The following TMEM117 variants were observed in gnomAD, a reference collection of about 807,000 sequenced individuals.
TMEM117 encodes the protein transmembrane protein 117.
TMEM117 carries 27 observed loss-of-function variants against 52.4 expected under a neutral mutation model. The ratio of observed to expected loss-of-function variants is 0.51; its 90% CI spans 0.38 to 0.71. The LOEUF is 0.71. Ranked by LOEUF, TMEM117 falls within the 30% of genes least tolerant of loss-of-function variation. TMEM117 has a pLI of 0.00. For missense variants in TMEM117, 556 were observed against 630.5 expected, an observed-to-expected ratio of 0.88 and a Z score of 1.26; for synonymous variants, 215 against 206.3, an observed-to-expected ratio of 1.04 and a Z score of -0.36.
intron 3 of TMEM117, among the ~76,000 whole-genome samples, chr12:44,040,449 C>G (rs1237710134): frequency 6.6e-6 from 1 of 151,972 alleles, no homozygotes; most frequent in Non-Finnish European, 1.5e-5. Context: ...ACAATTTCTT[C>G]TTGATTTATA....
At chr12:43,916,049 T>G (rs1944598143) in intron 2 of TMEM117, among the ~76,000 whole-genome samples, 2 of 152,062 alleles carry the variant, frequency 1.3e-5, no homozygotes, top group Non-Finnish European at 2.9e-5. Context: ...AAGTGGGGGA[T>G]AAATTCATAG....
intron 2 of TMEM117, among the ~76,000 whole-genome samples, chr12:43,887,904 A>T (rs1944026585): frequency 1.3e-5 from 2 of 152,206 alleles, no homozygotes; most frequent in Non-Finnish European, 1.5e-5. Flanking sequence ...TTTGTTTCAT[A>T]GTGAGGATCA....
chr12:44,027,041 T>C (rs1037132923), intron 3 of TMEM117, among the ~76,000 whole-genome samples: 1 of 151,328 alleles, frequency 6.6e-6, no homozygotes, highest in Admixed American at 6.6e-5. Context: ...AGTAGTTAGC[T>C]CATTTCTTTG....
Position 44,370,559 on chromosome 12 carries a change from A to G in TMEM117, c.769-6036A>G, listed in dbSNP as rs540933039. ...AGTCTCACTGTGTCGCCCAGGCTGG[A>G]CAGGCTGGAATGCAGTAGTGCAATC... On this transcript the variant is annotated intron_variant, in intron 6 of 7. Transcript: ENST00000266534. Among the ~76,000 whole-genome samples, 13 of 134,982 alleles carry G rather than the reference A, an allele frequency of 9.6e-5. No individual in the cohort carries two copies. The South Asian group carries it at 3.0e-3, about 31-fold the overall frequency. 88.6% of individuals were successfully genotyped at this position (134,982 alleles called of 152,430 possible).
intron 5 of TMEM117, among the ~76,000 whole-genome samples, chr12:44,284,441 G>A (rs1950614784): frequency 6.6e-6 from 1 of 152,200 alleles, no homozygotes; most frequent in South Asian, 2.1e-4. Flanking sequence ...TAGTAGCAGT[G>A]TGAAAACAGA....
chr12:44,378,421 A>G (rs1405775615), intron 7 of TMEM117, among the ~76,000 whole-genome samples: 1 of 152,326 alleles, frequency 6.6e-6, no homozygotes, highest in East Asian at 1.9e-4. Context: ...GAAGATGAAT[A>G]TAAAATTACA....
At chr12:44,345,451 T>C (rs1004419700) in intron 6 of TMEM117, among the ~76,000 whole-genome samples, 1 of 152,130 alleles carries the variant, frequency 6.6e-6, no homozygotes, top group South Asian at 2.1e-4. Context: ...CTCTCTGAGA[T>C]GAGTGCATAT....
chr12:43,883,858 C>A (rs745321418), intron 2 of TMEM117, among the ~76,000 whole-genome samples: 2 of 151,880 alleles, frequency 1.3e-5, no homozygotes, highest in African/African-American at 4.8e-5. Flanking sequence ...GGCCTGTAGC[C>A]AGGCATAGTG....
chr12:44,146,357 G>A (rs1948642097), intron 4 of TMEM117, among the ~76,000 whole-genome samples: 1 of 152,158 alleles, frequency 6.6e-6, no homozygotes, highest in South Asian at 2.1e-4. Flanking sequence ...CTACATCACA[G>A]AACTAAGACT....
At chr12:43,825,662 A>G in the TMEM117 span, among the ~76,000 whole-genome samples, 1 of 152,262 alleles carries the variant, frequency 6.6e-6, no homozygotes, top group South Asian at 2.1e-4. Context: ...AAATATAGGA[A>G]GAGCAGTAAC....
chr12:44,359,289 TTAAAA>T (rs1023918758), intron 6 of TMEM117, among the ~76,000 whole-genome samples: 5 of 151,698 alleles, frequency 3.3e-5, no homozygotes, highest in African/African-American at 9.7e-5. Context: ...GTGCACAAAA[TTAAAA>T]TAATATACAA....
intron 5 of TMEM117, chr12:44,248,372 T>C (rs957419242): frequency 6.6e-6 from 1 of 152,242 alleles, no homozygotes; most frequent in Non-Finnish European, 1.5e-5. Context: ...AAACACAGTT[T>C]ATGTTCAGTT....
chr12:43,988,579 A>T (rs1429660722), intron 3 of TMEM117, among the ~76,000 whole-genome samples: 2 of 152,106 alleles, frequency 1.3e-5, no homozygotes, highest in Non-Finnish European at 2.9e-5. Flanking sequence ...AAAGAACAGC[A>T]TGAAGTATTT....
upstream of TMEM117, among the ~76,000 whole-genome samples, chr12:43,831,463 T>A (rs78269929): frequency 3.3e-5 from 5 of 152,010 alleles, no homozygotes; most frequent in East Asian, 3.9e-4. Flanking sequence ...TTTTTTTTTT[T>A]AATAAAGACT....
At chr12:43,852,919 A>G (rs1029923271) in intron 2 of TMEM117, among the ~76,000 whole-genome samples, 2 of 152,206 alleles carry the variant, frequency 1.3e-5, no homozygotes, top group African/African-American at 2.4e-5. Context: ...GTCTCTCAAC[A>G]AGAATGATGT....
chr12:43,991,997 C>T (rs1263508758), intron 3 of TMEM117, among the ~76,000 whole-genome samples: 3 of 151,762 alleles, frequency 2.0e-5, no homozygotes, highest in African/African-American at 7.3e-5. Flanking sequence ...CCATCTCTAC[C>T]AAAAAATATA....
intron 3 of TMEM117, among the ~76,000 whole-genome samples, chr12:44,078,248 A>G (rs1947414525): frequency 6.6e-6 from 1 of 152,196 alleles, no homozygotes; most frequent in Non-Finnish European, 1.5e-5. Context: ...GAGCAGAGAG[A>G]TATGCCAACG....
chr12:44,216,446 C>CA (rs1232638128), intron 5 of TMEM117, among the ~76,000 whole-genome samples: 3 of 152,066 alleles, frequency 2.0e-5, no homozygotes, highest in African/African-American at 7.2e-5. Context: ...AGAAATAATC[C>CA]ACTGAGATTT....
intron 6 of TMEM117, among the ~76,000 whole-genome samples, chr12:44,374,870 A>T (rs1269616436): frequency 6.6e-6 from 1 of 152,150 alleles, no homozygotes; most frequent in Admixed American, 6.6e-5. Context: ...ACCCAGAAAT[A>T]AAAAGAGAAG....
Sources: allele counts gnomAD v4.1 joint callset (sites outside exome capture counted in the v4.1 genomes callset), GRCh38; gene constraint gnomAD v4.1.1; transcripts MANE v1.5; gene names NCBI Gene and HGNC (gene_info 2026-07-23, HGNC 2026-07-21).